IGF1R: variants seen among roughly 807,000 people sequenced by gnomAD.
IGF1R encodes the protein insulin-like growth factor 1 receptor.
Under a neutral mutation model 144.6 loss-of-function variants are expected in IGF1R, and 44 were observed. The observed-to-expected ratio is 0.30, with a 90% CI of 0.24 to 0.39. The LOEUF is 0.39. Among genes scored for constraint, IGF1R ranks in the 10% least tolerant of loss-of-function variants. The probability of loss-of-function intolerance (pLI) is 1.00; values close to 1 mark genes in which losing one functional copy is unlikely to be tolerated. For synonymous variants in IGF1R, 795 were observed against 722.8 expected (o/e 1.10, Z -1.60); for missense variants, 1,355 against 1,833.7 (o/e 0.74, Z 4.77).
intron 1 of IGF1R, among the ~76,000 whole-genome samples, chr15:98,668,834 C>G (rs1215298790): frequency 2.0e-5 from 3 of 152,104 alleles, no homozygotes; most frequent in Non-Finnish European, 4.4e-5. Context: ...CTGACACCAG[C>G]ATCAGTGAGT....
At chr15:98,923,852 T>C in intron 11 of IGF1R, 24 bp from the exon 12 acceptor site, 1 of 1,612,208 alleles carries the variant, frequency 6.2e-7, no homozygotes, top group Non-Finnish European at 8.5e-7. Context: ...AAATCCAACT[T>C]TGTCACCTGT....
rs547902723 is a variant in IGF1R, at chr15:98,964,034, C to A, written c.*6592C>A. The A allele has an allele frequency of 1.7e-5, 4 of 232,930 alleles. No individual in the cohort carries two copies. The highest frequency in any genetic ancestry group is 3.4e-5 in the Non-Finnish European group (4 of 117,682). 14.4% of individuals were successfully genotyped at this position (232,930 alleles called of 1,614,324 possible). On this transcript the variant is annotated 3_prime_UTR_variant, in exon 21 of 21. Transcript: ENST00000650285. ...CACACACATCCACCGGTGGAAGAGA[C>A]GCCCGGTGAAAACACCTGTCTGCTT...
intron 2 of IGF1R, among the ~76,000 whole-genome samples, chr15:98,850,793 A>G (rs1008791655): frequency 5.3e-5 from 8 of 152,194 alleles, no homozygotes; most frequent in Non-Finnish European, 1.2e-4. Flanking sequence ...AGGTAGGGGT[A>G]CTTGACTTGG....
intron 2 of IGF1R, among the ~76,000 whole-genome samples, chr15:98,728,388 T>C (rs1567097797): frequency 6.6e-6 from 1 of 152,108 alleles, no homozygotes; most frequent in Non-Finnish European, 1.5e-5. Flanking sequence ...CCTCCACTGC[T>C]CAAGACCCCG....
intron 1 of IGF1R, among the ~76,000 whole-genome samples, chr15:98,662,256 C>G (rs547013651): frequency 6.6e-6 from 1 of 152,190 alleles, no homozygotes; most frequent in East Asian, 1.9e-4. Context: ...GCTGGGATTA[C>G]AGATGTGAGC....
intron 2 of IGF1R, among the ~76,000 whole-genome samples, chr15:98,759,487 C>T (rs369481033): frequency 5.9e-5 from 9 of 152,306 alleles, no homozygotes; most frequent in Admixed American, 2.0e-4. Context: ...TACAGAAGAA[C>T]GGCCCCCCAG....
chr15:98,873,484 A>G (rs2012895198), intron 2 of IGF1R, among the ~76,000 whole-genome samples: 1 of 152,240 alleles, frequency 6.6e-6, no homozygotes, highest in Admixed American at 6.5e-5. Flanking sequence ...CATCGAAAAA[A>G]CAAAACATTC....
intron 1 of IGF1R, among the ~76,000 whole-genome samples, chr15:98,657,508 C>A (rs961038813): frequency 1.3e-5 from 2 of 152,168 alleles, no homozygotes; most frequent in African/African-American, 4.8e-5. Flanking sequence ...CACAAGCTTA[C>A]AGACTCAGGA....
intron 2 of IGF1R, among the ~76,000 whole-genome samples, chr15:98,857,889 C>T (rs1385132729): frequency 1.3e-5 from 2 of 152,114 alleles, no homozygotes; most frequent in Admixed American, 6.6e-5. Flanking sequence ...ATTTAGGGCT[C>T]ATAAAGGGGG....
chr15:98,930,335 C>G, intron 15 of IGF1R, 30 bp downstream of exon 15: 1 of 1,543,734 alleles, frequency 6.5e-7, no homozygotes, highest in Non-Finnish European at 8.9e-7. Context: ...GCACTGCCAG[C>G]GTGCAGGGCA....
At chr15:98,801,759 T>C (rs1231060158) in intron 2 of IGF1R, among the ~76,000 whole-genome samples, 4 of 152,170 alleles carry the variant, frequency 2.6e-5, no homozygotes, top group South Asian at 4.1e-4. Flanking sequence ...TCTTCCAAGG[T>C]AGACATTGAG....
At chr15:98,778,560 G>A (rs979859844) in intron 2 of IGF1R, among the ~76,000 whole-genome samples, 1 of 152,176 alleles carries the variant, frequency 6.6e-6, no homozygotes, top group South Asian at 2.1e-4. Context: ...ATAAGAGTAC[G>A]GTCTTTCTCC....
intron 1 of IGF1R, among the ~76,000 whole-genome samples, chr15:98,692,545 C>T (rs2053501690): frequency 6.6e-6 from 1 of 152,156 alleles, no homozygotes; most frequent in African/African-American, 2.4e-5. Flanking sequence ...CTCTAATTGT[C>T]AGAAGTGTAT....
At chr15:98,747,289 C>T (rs528784496) in intron 2 of IGF1R, among the ~76,000 whole-genome samples, 33 of 152,192 alleles carry the variant, frequency 2.2e-4, no homozygotes, top group African/African-American at 5.5e-4. Flanking sequence ...CTCCACCTCC[C>T]GGGTTCAAGT....
chr15:98,953,087 C>T (rs929106422), intron 20 of IGF1R: 2 of 152,216 alleles, frequency 1.3e-5, no homozygotes, highest in Non-Finnish European at 2.9e-5. Flanking sequence ...TGGGAGTTGC[C>T]TTGAAACCTC....
At chr15:98,897,153 T>C (rs756795776) in intron 4 of IGF1R, 31 of 518,784 alleles carry the variant, frequency 6.0e-5, no homozygotes, top group Non-Finnish European at 9.8e-5. Flanking sequence ...GCTCATCTTT[T>C]TGTTAGTCAC....
chr15:98,835,348 C>G (rs1415518618), intron 2 of IGF1R, among the ~76,000 whole-genome samples: 1 of 152,062 alleles, frequency 6.6e-6, no homozygotes, highest in African/African-American at 2.4e-5. Context: ...ACCATTCACC[C>G]CTACCAGCGA....
chr15:98,675,767 G>GT (rs530780238), intron 1 of IGF1R, among the ~76,000 whole-genome samples: 14 of 135,338 alleles, frequency 1.0e-4, no homozygotes, highest in African/African-American at 2.5e-4. Context: ...ACATTGTGCT[G>GT]TTTTTTTTCT....
At chr15:98,770,659 C>G in intron 2 of IGF1R, among the ~76,000 whole-genome samples, 1 of 152,140 alleles carries the variant, frequency 6.6e-6, no homozygotes, top group East Asian at 1.9e-4. Context: ...AACCTTTTGA[C>G]AGGGAAGACC....
Sources: gnomAD v4.1 joint callset for allele counts (sites outside exome capture counted in the v4.1 genomes callset) on GRCh38, gnomAD v4.1.1 for gene constraint, MANE v1.5 for transcripts, NCBI Gene and HGNC (gene_info 2026-07-23, HGNC 2026-07-21) for gene names.